The following ALK variants were observed in gnomAD, a reference collection of about 807,000 sequenced individuals.
ALK encodes ALK tyrosine kinase receptor.
Under a neutral mutation model 163.1 loss-of-function variants are expected in ALK, and 74 were observed. The ratio of observed to expected loss-of-function variants is 0.45; its 90% CI spans 0.38 to 0.55. The LOEUF (loss-of-function observed/expected upper bound fraction) is 0.55, where lower values mean the gene tolerates loss of function less well. Ranked by LOEUF, ALK falls within the 20% of genes least tolerant of loss-of-function variation. The probability of loss-of-function intolerance (pLI) is 0.00; values close to 1 mark genes in which losing one functional copy is unlikely to be tolerated. For synonymous variants in ALK, 960 were observed against 843.2 expected, an observed-to-expected ratio of 1.14 and a Z score of -2.40; for missense variants, 2,063 against 2,105.3, an observed-to-expected ratio of 0.98 and a Z score of 0.39.
chr2:29,282,364 T>C (rs959345997), intron 9 of ALK, among the ~76,000 whole-genome samples: 1 of 152,162 alleles, frequency 6.6e-6, no homozygotes, highest in Non-Finnish European at 1.5e-5. Context: ...CTATTATCTG[T>C]ATAATGGACT....
chr2:29,232,527 CCTGA>C (rs1664244091), intron 14 of ALK, 79 bp from the exon 15 acceptor site: 6 of 1,591,486 alleles, frequency 3.8e-6, no homozygotes, highest in Admixed American at 1.7e-5. Flanking sequence ...GTAAATTCAA[CCTGA>C]CTGAGGGTTT....
At chr2:29,778,623 T>C (rs1010883812) in intron 1 of ALK, among the ~76,000 whole-genome samples, 2 of 152,178 alleles carry the variant, frequency 1.3e-5, no homozygotes, top group African/African-American at 4.8e-5. Flanking sequence ...ACACTGATGC[T>C]TTTTCTGTGC....
chr2:29,649,244 A>AGAGAGAGAG (rs761848685), intron 3 of ALK, among the ~76,000 whole-genome samples: 1 of 112,174 alleles, frequency 8.9e-6, no homozygotes, highest in Non-Finnish European at 1.8e-5. Context: ...GAGAGAGAGA[A>AGAGAGAGAG]AGTGCGTGCG....
chr2:29,511,172 A>T (rs1433978084), intron 4 of ALK, among the ~76,000 whole-genome samples: 1 of 152,098 alleles, frequency 6.6e-6, no homozygotes, highest in African/African-American at 2.4e-5. Flanking sequence ...GTACAGGTTG[A>T]TGAGTTTTAA....
At position 29,831,108 on chromosome 2, in the gene ALK, GAGA is replaced by G. The variant is rs1187040597; in HGVS notation, c.667+88882_667+88884del. On this transcript the variant is annotated intron_variant, in intron 1 of 28. Transcript: ENST00000389048. ...GGAGGAGGAGGAGGAGGAGGAGGAG[GAGA>G]AGAAGAAGAAGAAGGGGAAGAAGGG... is the stretch of plus-strand genomic sequence containing the variant. Among the ~76,000 whole-genome samples, 62 of 25,446 alleles carry G rather than the reference GAGA, an allele frequency of 2.4e-3. 1 individual carries two copies. Among genetic ancestry groups the G allele is most frequent in the African/African-American group, 8.5e-3 (56 of 6,622 alleles). The allele number at this position is 25,446 out of a possible 152,430, so 16.7% of individuals were successfully genotyped here.
At chr2:29,738,495 T>A (rs1250651704) in intron 1 of ALK, among the ~76,000 whole-genome samples, 1 of 152,092 alleles carries the variant, frequency 6.6e-6, no homozygotes, top group Non-Finnish European at 1.5e-5. Flanking sequence ...ACTCCAGAAC[T>A]ACTGAGTGGT....
chr2:29,297,507 T>C (rs971415145), intron 8 of ALK, among the ~76,000 whole-genome samples: 2 of 152,218 alleles, frequency 1.3e-5, no homozygotes, highest in Non-Finnish European at 2.9e-5. Flanking sequence ...CATAGATTTT[T>C]CTCTCTTCCC....
At chr2:29,357,862 T>C (rs2148284423) in intron 5 of ALK, among the ~76,000 whole-genome samples, 2 of 152,364 alleles carry the variant, frequency 1.3e-5, no homozygotes, top group East Asian at 1.9e-4. Context: ...TCTCAAAAAC[T>C]ATACTCTCGA....
chr2:29,438,349 T>A (rs898842859), intron 4 of ALK, among the ~76,000 whole-genome samples: 1 of 152,220 alleles, frequency 6.6e-6, no homozygotes, highest in Non-Finnish European at 1.5e-5. Flanking sequence ...TTTGTTCACA[T>A]GAGCTGGTCA....
intron 5 of ALK, among the ~76,000 whole-genome samples, chr2:29,365,670 G>A (rs868521056): frequency 5.1e-4 from 78 of 152,316 alleles, no homozygotes; most frequent in Middle Eastern, 3.4e-3. Flanking sequence ...CTCTGAATCT[G>A]ACTCAGGACT....
rs527965610 is a variant in ALK, at chr2:29,227,262, G to A, written c.2915-188C>T. Reference sequence around the variant, plus strand: ...TATAGAGAGTGCAGCGGAGGCAGCGGGCATGGGTGTCTATGGATGTTTGCT... The same window carrying A: ...TATAGAGAGTGCAGCGGAGGCAGCGAGCATGGGTGTCTATGGATGTTTGCT... On this transcript the variant is annotated intron_variant, in intron 17 of 28. Coordinates refer to ENST00000389048, the MANE Select transcript of ALK (RefSeq NM_004304.5). This position sits in a 1 kb window ranked among gnomAD's most constrained non-coding sequence, Gnocchi z 4.4. 1.4e-4 allele frequency among the ~76,000 whole-genome samples: 21 copies of A among 152,294 alleles called. No homozygotes were observed. Among genetic ancestry groups the A allele is most frequent in the Admixed American group, 1.0e-3 (16 of 15,302 alleles).
intron 9 of ALK, among the ~76,000 whole-genome samples, chr2:29,287,203 G>A (rs1159630928): frequency 2.0e-5 from 3 of 152,040 alleles, no homozygotes; most frequent in Non-Finnish European, 4.4e-5. Context: ...AAATTCAGAG[G>A]AGTCTTATTT....
At chr2:29,239,552 TTA>T in intron 13 of ALK, 126 bp downstream of exon 13, 1 of 1,204,146 alleles carries the variant, frequency 8.3e-7, no homozygotes, top group Non-Finnish European at 1.2e-6. Flanking sequence ...TGCTGTTTAA[TTA>T]CTCTTTGCTG....
At chr2:29,395,118 C>G (rs1669271850) in intron 4 of ALK, among the ~76,000 whole-genome samples, 1 of 152,280 alleles carries the variant, frequency 6.6e-6, no homozygotes, top group South Asian at 2.1e-4. Flanking sequence ...CCATCCTGTT[C>G]CCTAGAGAGG....
intron 1 of ALK, among the ~76,000 whole-genome samples, chr2:29,832,489 C>T (rs1161324343): frequency 1.3e-5 from 2 of 152,222 alleles, no homozygotes; most frequent in Admixed American, 1.3e-4. Flanking sequence ...GTAGGGTGCA[C>T]ATGAGAGTGA....
intron 2 of ALK, 45 bp from the exon 3 acceptor site, chr2:29,695,059 C>A: frequency 6.2e-7 from 1 of 1,612,680 alleles, no homozygotes; most frequent in Non-Finnish European, 8.5e-7. Flanking sequence ...ATTTCCCAAA[C>A]GTGACTTTTC....
intron 1 of ALK, among the ~76,000 whole-genome samples, chr2:29,898,245 T>G (rs1358482313): frequency 1.3e-5 from 2 of 152,180 alleles, no homozygotes; most frequent in Non-Finnish European, 2.9e-5. Flanking sequence ...CTTCCAAGTT[T>G]TAGGTTTGAA....
In ALK at chr2:29,246,016, G is replaced by A. The variant is rs898303943; in HGVS notation, c.2204+5089C>T. Among the ~76,000 whole-genome samples the A allele has an allele frequency of 1.3e-5, 2 of 152,250 alleles. No individual in the cohort carries two copies. The highest frequency in any genetic ancestry group is 4.8e-5 in the African/African-American group (2 of 41,468). On this transcript the variant is annotated intron_variant, in intron 12 of 28. Coordinates refer to ENST00000389048, the MANE Select transcript of ALK (RefSeq NM_004304.5). The surrounding 1 kb of genome is among the most constrained non-coding windows in gnomAD (Gnocchi z 4.3). ...CCCAAGGTCAGTTGGCTCCAGCTGG[G>A]ACCTGGGGCCTCTTGTCCATTATGT... is the stretch of plus-strand genomic sequence containing the variant.
intron 15 of ALK, among the ~76,000 whole-genome samples, chr2:29,231,992 C>T (rs1003533499): frequency 6.6e-6 from 1 of 152,040 alleles, no homozygotes; most frequent in Non-Finnish European, 1.5e-5. Flanking sequence ...GGCCCATCTG[C>T]CCCTGGAGGA....
Sources: gnomAD v4.1 joint callset for allele counts (sites outside exome capture counted in the v4.1 genomes callset) on GRCh38, gnomAD v4.1.1 for gene constraint, Gnocchi (gnomAD v3.1) non-coding constraint, MANE v1.5 for transcripts, NCBI Gene and HGNC (gene_info 2026-07-23, HGNC 2026-07-21) for gene names.